AGA: variants seen among roughly 807,000 people sequenced by gnomAD.
AGA encodes the protein aspartylglucosaminidase, also known as N(4)-(beta-N-acetylglucosaminyl)-L-asparaginase.
In AGA, 31 loss-of-function variants were observed where a neutral mutation model predicts 40.1. That is an observed-to-expected ratio of 0.77 (90% CI 0.58 to 1.04). The LOEUF is 1.04. AGA is among the 50% of genes least tolerant of loss of function. The probability of loss-of-function intolerance (pLI) is 0.00; values close to 1 mark genes in which losing one functional copy is unlikely to be tolerated. For missense variants in AGA, 445 were observed against 435.4 expected, an observed-to-expected ratio of 1.02 and a Z score of -0.20; for synonymous variants, 148 against 144.0, an observed-to-expected ratio of 1.03 and a Z score of -0.20.
Position 177,434,406 on chromosome 4 carries a change from T to C in AGA, c.782A>G (p.Asp261Gly). 6.2e-7 allele frequency: 1 copy of C among 1,614,148 alleles called. No individual in the cohort carries two copies. The highest frequency in any genetic ancestry group is 1.6e-4 in the Middle Eastern group (1 of 6,062). Reference protein sequence around the residue: ...AGAAAATGNGDILMRFLPSYQ... With the variant: ...AGAAAATGNGGILMRFLPSYQ... ...CCTTGGCAGGAAGCGCATCAATATA[T>C]CACCATTCCCAGTGGCTGCGGCTGC... Residue 261 changes from aspartate (D) to glycine (G), a missense_variant, in exon 7 of 9, where the codon GAT becomes GGT. Asp to Gly is a moderately conservative substitution (Grantham distance 94). Coordinates refer to ENST00000264595, the MANE Select transcript of AGA (RefSeq NM_000027.4).
intron 4 of AGA, among the ~76,000 whole-genome samples, 183 bp downstream of exon 4, chr4:177,438,562 C>T (rs1008352090): frequency 6.6e-6 from 1 of 152,118 alleles, no homozygotes; most frequent in African/African-American, 2.4e-5. Context: ...TGGATATGCA[C>T]CCAATGCAGC....
rs1165441448 is a variant in AGA at position 177,439,151 on chromosome 4, G to C, written c.395-294C>G. On this transcript the variant is annotated intron_variant, in intron 3 of 8. Transcript: ENST00000264595. ...TAATCCCAGCACTTTGGGAGGCTGAGGCGGGTGGATCACGAAGTCAAGAGA... is the reference window on the plus strand; with the variant it reads ...TAATCCCAGCACTTTGGGAGGCTGACGCGGGTGGATCACGAAGTCAAGAGA... Among the ~76,000 whole-genome samples, 5 of 152,150 alleles carry C rather than the reference G, an allele frequency of 3.3e-5. No homozygotes were observed. The East Asian group carries it at 9.6e-4, about 29-fold the overall frequency.
In AGA at chr4:177,442,326, C is replaced by T. The variant is rs533283043; in HGVS notation, c.50G>A (p.Cys17Tyr). Residue 17 changes from cysteine to tyrosine, a missense_variant, in exon 1 of 9, where the codon TGC (cysteine) becomes TAC (tyrosine). Coordinates refer to ENST00000264595, the MANE Select transcript of AGA (RefSeq NM_000027.4). ...LPVLLVPFLLCQALVRCSSPL... is the reference protein window; with the variant it reads ...LPVLLVPFLLYQALVRCSSPL... The stretch of plus-strand genomic sequence containing the variant: ...GCTGGAGCAGCGCACTAGGGCCTGG[C>T]AGAGCAGAAACGGCACGAGAAGCAC... The T allele has an allele frequency of 6.2e-7, 1 of 1,614,122 alleles. No individual in the cohort carries two copies. Among genetic ancestry groups the T allele is most frequent in the South Asian group, 1.1e-5 (1 of 91,082 alleles).
chr4:177,434,257 T>C lies in AGA; in HGVS notation c.806+125A>G, dbSNP rs1736722752. On this transcript the variant is annotated intron_variant, in intron 7 of 8. Transcript: ENST00000264595. ...ACCTCAGGTGATCCACCTGCCTCAG[T>C]CTCCCAAAATGCTAGGATTACAGTC... 14 of 867,330 alleles carry C rather than the reference T, an allele frequency of 1.6e-5. No individual in the cohort carries two copies. In the South Asian group the frequency reaches 1.8e-4, roughly 11 times the overall value. The allele number at this position is 867,330 out of a possible 1,614,324, so 53.7% of individuals were successfully genotyped here.
chr4:177,439,573 T>C lies in AGA; in HGVS notation c.394+3A>G, dbSNP rs959921662. The C allele has an allele frequency of 1.2e-6, 2 of 1,605,496 alleles. No individual in the cohort carries two copies. Among genetic ancestry groups the C allele is most frequent in the Non-Finnish European group, 1.7e-6 (2 of 1,172,254 alleles). Reference sequence around the variant, plus strand: ...AAAAATTTCAGTGTAGTTAAAAAAATACCTGACTCTCCTACTAAAAGTGTG... The same window carrying C: ...AAAAATTTCAGTGTAGTTAAAAAAACACCTGACTCTCCTACTAAAAGTGTG... On this transcript the variant is annotated splice_donor_region_variant and intron_variant, in intron 3 of 8. Transcript: ENST00000264595.
chr4:177,439,891 G>A (rs1252376087), intron 2 of AGA, among the ~76,000 whole-genome samples: 2 of 152,098 alleles, frequency 1.3e-5, no homozygotes, highest in African/African-American at 4.8e-5. Flanking sequence ...AACTTGCCAT[G>A]TACCACAACA....
In AGA at chr4:177,437,335, A is replaced by G. The variant is rs145069106; in HGVS notation, c.622+70T>C. The G allele has an allele frequency of 1.4e-4, 153 of 1,062,314 alleles. No individual in the cohort carries two copies. The African/African-American group carries it at 2.2e-3, about 15-fold the overall frequency. The allele number at this position is 1,062,314 out of a possible 1,614,324, so 65.8% of individuals were successfully genotyped here. On this transcript the variant is annotated intron_variant, in intron 5 of 8. Coordinates refer to ENST00000264595, the MANE Select transcript of AGA (RefSeq NM_000027.4). ...AATCAAAATCAACTTCTGGTAGAAG[A>G]ATAGGGAAGAGCTACAGGAAGATAA... is the stretch of plus-strand genomic sequence containing the variant.
intron 8 of AGA, 31 bp from the exon 9 acceptor site, chr4:177,431,839 G>A (rs774955722): frequency 1.9e-6 from 3 of 1,545,780 alleles, no homozygotes; most frequent in East Asian, 2.2e-5. Flanking sequence ...GAAGTTTGGT[G>A]AACTATAGGA....
At chr4:177,437,625 C>T (rs536960202) in intron 4 of AGA, 106 bp from the exon 5 acceptor site, 2 of 738,896 alleles carry the variant, frequency 2.7e-6, no homozygotes, top group East Asian at 5.4e-5. Flanking sequence ...AAAAAGACAT[C>T]TGGTAACTTA....
Position 177,431,339 on chromosome 4 carries a change from T to G in AGA, c.*369A>C, listed in dbSNP as rs1736625073. ...GTTTTTTTCTTTGGGTCTAAAAAAC[T>G]TGTATACTCTATTTTAAGCATCCAA... On this transcript the variant is annotated 3_prime_UTR_variant, in exon 9 of 9. Transcript: ENST00000264595. 2 of 449,284 alleles carry G rather than the reference T, an allele frequency of 4.5e-6. No homozygotes were observed. The highest frequency in any genetic ancestry group is 7.2e-4 in the Middle Eastern group (1 of 1,394). The allele number at this position is 449,284 out of a possible 1,614,324, so 27.8% of individuals were successfully genotyped here.
intron 7 of AGA, 22 bp from the exon 8 acceptor site, chr4:177,433,369 C>G: frequency 3.7e-6 from 6 of 1,613,792 alleles, no homozygotes; most frequent in Non-Finnish European, 5.1e-6. Context: ...AGAGGTGAAA[C>G]CTTAGTGTCT....
chr4:177,437,826 T>G (rs932436175), intron 4 of AGA, among the ~76,000 whole-genome samples: 3 of 152,330 alleles, frequency 2.0e-5, no homozygotes, highest in Admixed American at 1.3e-4. Flanking sequence ...TAAAATTTTT[T>G]AAAATTAGAT....
rs74626221 is a variant in AGA at position 177,442,342 on chromosome 4, C to G, written c.34G>C (p.Val12Leu). Residue 12 changes from valine to leucine, a missense_variant, in exon 1 of 9, where the codon GTG (valine) becomes CTG (leucine). Physicochemically the swap from Val to Leu is conservative, Grantham distance 32. Transcript: ENST00000264595. Reference sequence around the variant, plus strand: ...AGGGCCTGGCAGAGCAGAAACGGCACGAGAAGCACAGGCAAGTTCGACTTC... The same window carrying G: ...AGGGCCTGGCAGAGCAGAAACGGCAGGAGAAGCACAGGCAAGTTCGACTTC... ...ARKSNLPVLL[V>L]PFLLCQALVR... 1.7e-5 allele frequency: 28 copies of G among 1,614,004 alleles called. No homozygotes were observed. In the African/African-American group the frequency reaches 3.1e-4, roughly 18 times the overall value.
chr4:177,439,514 ATT>A lies in AGA; in HGVS notation c.394+60_394+61del, dbSNP rs1736923722. 4 of 1,208,110 alleles carry A rather than the reference ATT, an allele frequency of 3.3e-6. No individual in the cohort carries two copies. In the Admixed American group the frequency reaches 6.7e-5, roughly 20 times the overall value. The allele number at this position is 1,208,110 out of a possible 1,614,324, so 74.8% of individuals were successfully genotyped here. On this transcript the variant is annotated intron_variant, in intron 3 of 8. Transcript: ENST00000264595. Reference sequence around the variant, plus strand: ...CTGGTTTTATCCATGATTTTGTACTATTTTTCAGTGAAAACTATAGTCAAAAG... The same window carrying A: ...CTGGTTTTATCCATGATTTTGTACTATTTCAGTGAAAACTATAGTCAAAAG...
intron 8 of AGA, among the ~76,000 whole-genome samples, chr4:177,432,083 T>C (rs1158193122): frequency 6.6e-6 from 1 of 152,212 alleles, no homozygotes; most frequent in Non-Finnish European, 1.5e-5. Flanking sequence ...GCTACGATTA[T>C]TTAACTGTTC....
chr4:177,432,377 C>T (rs1171988066), intron 8 of AGA, among the ~76,000 whole-genome samples: 1 of 152,026 alleles, frequency 6.6e-6, no homozygotes, highest in Non-Finnish European at 1.5e-5. Flanking sequence ...TCATTTTTTT[C>T]ATTCTGTTAA....
rs374001239 is a variant in AGA, at chr4:177,442,228, G to A, written c.127+21C>T. Reference sequence around the variant, plus strand: ...GCAAGCTCTCGCGGCGCAGCCGCCCGCCCAGGCCGCCAACCCGCACCTGCT... The same window carrying A: ...GCAAGCTCTCGCGGCGCAGCCGCCCACCCAGGCCGCCAACCCGCACCTGCT... On this transcript the variant is annotated intron_variant, in intron 1 of 8. Transcript: ENST00000264595. 5.0e-6 allele frequency: 8 copies of A among 1,612,470 alleles called. No individual in the cohort carries two copies. In the African/African-American group the frequency reaches 1.1e-4, roughly 22 times the overall value.
chr4:177,434,282 C>T (rs753574243), intron 7 of AGA, 100 bp downstream of exon 7: 124 of 1,080,220 alleles, frequency 1.1e-4, no homozygotes, highest in Non-Finnish European at 1.6e-4. Context: ...GGATTACAGT[C>T]GTGAGCCACT....
At chr4:177,436,955 CAG>C (rs1736842962) in intron 5 of AGA, 2 of 221,702 alleles carry the variant, frequency 9.0e-6, no homozygotes, top group East Asian at 2.4e-4. Context: ...TGGCCCTTGC[CAG>C]ATGCCAGTGC....
Sources: allele counts gnomAD v4.1 joint callset (sites outside exome capture counted in the v4.1 genomes callset), GRCh38; gene constraint gnomAD v4.1.1; transcripts MANE v1.5; gene names NCBI Gene and HGNC (gene_info 2026-07-23, HGNC 2026-07-21).